The following FUT9 variants were observed in gnomAD, a reference collection of about 807,000 sequenced individuals.
FUT9 encodes the protein fucosyltransferase 9, also known as 4-galactosyl-N-acetylglucosaminide 3-alpha-L-fucosyltransferase 9.
Under a neutral mutation model 29.7 loss-of-function variants are expected in FUT9, and 15 were observed. The observed-to-expected ratio is 0.51, with a 90% CI of 0.34 to 0.78. FUT9 has a LOEUF of 0.78. FUT9 is among the 30% of genes least tolerant of loss of function. The pLI is 0.01. For missense variants in FUT9, 319 were observed against 425.4 expected (o/e 0.75, Z 2.20); for synonymous variants, 169 against 153.7 (o/e 1.10, Z -0.74).
At chr6:96,027,900 A>T (rs1770194526) in intron 1 of FUT9, among the ~76,000 whole-genome samples, 1 of 151,642 alleles carries the variant, frequency 6.6e-6, no homozygotes, top group South Asian at 2.1e-4. Flanking sequence ...TCATAAAAAA[A>T]CAGGTTTTTG....
rs1034466850 is a variant in FUT9 at position 96,214,090 on chromosome 6, T to G, written c.*9855T>G. Reference sequence around the variant, plus strand: ...CAATGCTGCGTTTCTTTTTTCTAACTGCAGCATATTGTGGTAAATTTTCTC... The same window carrying G: ...CAATGCTGCGTTTCTTTTTTCTAACGGCAGCATATTGTGGTAAATTTTCTC... On this transcript the variant is annotated 3_prime_UTR_variant, in exon 3 of 3. Transcript: ENST00000302103. 1 of 166,966 alleles carries G rather than the reference T, an allele frequency of 6.0e-6. No homozygotes were observed. The highest frequency in any genetic ancestry group is 1.5e-5 in the Non-Finnish European group (1 of 68,036). 10.3% of individuals were successfully genotyped at this position (166,966 alleles called of 1,614,324 possible). A position where few individuals can be genotyped will look rare whatever the true frequency, so the allele number is the denominator to read the frequency against.
chr6:96,059,381 A>G (rs1020012275), intron 1 of FUT9, among the ~76,000 whole-genome samples: 11 of 152,188 alleles, frequency 7.2e-5, no homozygotes, highest in Non-Finnish European at 1.6e-4. Context: ...TGTTAGTCCA[A>G]CCACTTGTGT....
intron 2 of FUT9, among the ~76,000 whole-genome samples, chr6:96,149,647 T>C (rs1772640379): frequency 6.6e-6 from 1 of 152,192 alleles, no homozygotes; most frequent in African/African-American, 2.4e-5. Context: ...AGAAAAAATA[T>C]ATCTGTGCAT....
chr6:96,175,554 G>C (rs2127984388), intron 2 of FUT9, among the ~76,000 whole-genome samples: 1 of 152,258 alleles, frequency 6.6e-6, no homozygotes, highest in Middle Eastern at 3.4e-3. Context: ...ATGCCATGGG[G>C]CACCTAGTTT....
intron 2 of FUT9, among the ~76,000 whole-genome samples, chr6:96,188,992 C>T (rs1293362882): frequency 3.9e-5 from 6 of 152,038 alleles, no homozygotes; most frequent in African/African-American, 1.4e-4. Flanking sequence ...TATACTCACA[C>T]AAATCTAGGT....
intron 1 of FUT9, among the ~76,000 whole-genome samples, chr6:96,063,390 A>C (rs1410542084): frequency 6.6e-6 from 1 of 152,170 alleles, no homozygotes; most frequent in Non-Finnish European, 1.5e-5. Flanking sequence ...CAAGCGCATC[A>C]CATGGCAAAA....
intron 2 of FUT9, among the ~76,000 whole-genome samples, chr6:96,159,253 CA>C (rs1209311589): frequency 1.3e-5 from 2 of 151,910 alleles, no homozygotes; most frequent in Admixed American, 6.6e-5. Flanking sequence ...GATGTGAAGA[CA>C]AGTGATTTTT....
rs1772194333 is a variant in FUT9, at chr6:96,129,279, AAAAAAAAAAAAAAC to A, written c.-9+15156_-9+15169del. On this transcript the variant is annotated intron_variant, in intron 2 of 2. Transcript: ENST00000302103. ...GACTCTGTCTCAAAAAAAAAAAAAA[AAAAAAAAAAAAAAC>A]AAACAACCAGCCATGGTGGCATGTG... Among the ~76,000 whole-genome samples the A allele has an allele frequency of 7.1e-5, 3 of 42,044 alleles. 1 individual carries two copies. Among genetic ancestry groups the A allele is most frequent in the Non-Finnish European group, 1.4e-4 (2 of 14,410 alleles). 27.6% of individuals were successfully genotyped at this position (42,044 alleles called of 152,430 possible).
chr6:96,019,873 C>A (rs1317344276), intron 1 of FUT9, among the ~76,000 whole-genome samples: 1 of 152,088 alleles, frequency 6.6e-6, no homozygotes, highest in African/African-American at 2.4e-5. Context: ...TTAATAGAAA[C>A]AGAATTCAAA....
chr6:96,161,932 C>T (rs1772910787), intron 2 of FUT9, among the ~76,000 whole-genome samples: 1 of 152,202 alleles, frequency 6.6e-6, no homozygotes, highest in African/African-American at 2.4e-5. Context: ...GACATATCTT[C>T]AAACTCATTG....
chr6:96,183,197 T>G (rs2127986491), intron 2 of FUT9, among the ~76,000 whole-genome samples: 1 of 151,964 alleles, frequency 6.6e-6, no homozygotes, highest in Non-Finnish European at 1.5e-5. Flanking sequence ...TTTTTTTTAT[T>G]TTTTGGCAGC....
intron 1 of FUT9, chr6:96,036,952 T>A (rs1018767889): frequency 6.6e-6 from 1 of 151,972 alleles, no homozygotes; most frequent in African/African-American, 2.4e-5. Context: ...TAACAAACTC[T>A]TAAGTAAACT....
intron 2 of FUT9, among the ~76,000 whole-genome samples, chr6:96,115,894 C>T (rs1771902296): frequency 6.6e-6 from 1 of 152,022 alleles, no homozygotes; most frequent in South Asian, 2.1e-4. Context: ...CTTCCATGTA[C>T]TTGCTTTGTT....
In FUT9 at chr6:96,069,629, TTTTTA is replaced by T. The variant is rs1257106292; in HGVS notation, c.-97-44400_-97-44396del. Among the ~76,000 whole-genome samples the T allele has an allele frequency of 7.9e-4, 25 of 31,658 alleles. No homozygotes were observed. The South Asian group carries it at 0.015, about 19-fold the overall frequency. The allele number at this position is 31,658 out of a possible 152,430, so 20.8% of individuals were successfully genotyped here. ...AACTATTATTTTTTTATTTTTTTAT[TTTTTA>T]TTTTATTTTTTTGAGATGGAGTCTC... On this transcript the variant is annotated intron_variant, in intron 1 of 2. Transcript: ENST00000302103.
rs1001102693 is a variant in FUT9, at chr6:96,206,806, A to C, written c.*2571A>C. 1.1e-4 allele frequency: 18 copies of C among 167,020 alleles called. No individual in the cohort carries two copies. The highest frequency in any genetic ancestry group is 4.1e-4 in the African/African-American group (17 of 41,440). The allele number at this position is 167,020 out of a possible 1,614,324, so 10.3% of individuals were successfully genotyped here. On this transcript the variant is annotated 3_prime_UTR_variant, in exon 3 of 3. Transcript: ENST00000302103. Reference sequence around the variant, plus strand: ...CAGAAAAACATTCAATATTAAAAGCATTCAATATTATTTCAACCTGCCTTG... The same window carrying C: ...CAGAAAAACATTCAATATTAAAAGCCTTCAATATTATTTCAACCTGCCTTG...
intron 2 of FUT9, among the ~76,000 whole-genome samples, chr6:96,184,673 A>G (rs2127986913): frequency 6.6e-6 from 1 of 152,196 alleles, no homozygotes; most frequent in South Asian, 2.1e-4. Flanking sequence ...TTCAGTTCAA[A>G]CAACTTTTAA....
chr6:96,034,565 A>G lies in FUT9; in HGVS notation c.-98+18353A>G, dbSNP rs149135524. Reference sequence around the variant, plus strand: ...TATTGAACTAGTGTGTAAATATTTCAGTGCAAGATAAATGCCCTAGATTAG... The same window carrying G: ...TATTGAACTAGTGTGTAAATATTTCGGTGCAAGATAAATGCCCTAGATTAG... On this transcript the variant is annotated intron_variant, in intron 1 of 2. Coordinates refer to ENST00000302103, the MANE Select transcript of FUT9 (RefSeq NM_006581.4). 5.4e-3 allele frequency among the ~76,000 whole-genome samples: 819 copies of G among 151,868 alleles called. 7 individuals carry two copies. The highest frequency in any genetic ancestry group is 0.019 in the African/African-American group (778 of 41,508).
intron 1 of FUT9, among the ~76,000 whole-genome samples, chr6:96,107,650 A>G (rs1301224829): frequency 6.6e-6 from 1 of 152,206 alleles, no homozygotes; most frequent in African/African-American, 2.4e-5. Flanking sequence ...ACCATTACTA[A>G]TCTGTATTCC....
intron 1 of FUT9, among the ~76,000 whole-genome samples, chr6:96,030,726 C>T (rs1770246724): frequency 6.6e-6 from 1 of 151,416 alleles, no homozygotes; most frequent in African/African-American, 2.4e-5. Flanking sequence ...TAGAAACAAC[C>T]TAAGTGTCCA....
Sources: allele counts gnomAD v4.1 joint callset (sites outside exome capture counted in the v4.1 genomes callset), GRCh38; gene constraint gnomAD v4.1.1; transcripts MANE v1.5; gene names NCBI Gene and HGNC (gene_info 2026-07-23, HGNC 2026-07-21).